The following TMEM128 variants were observed in gnomAD, a reference collection of about 807,000 sequenced individuals.
TMEM128 encodes the protein transmembrane protein 128.
Under a neutral mutation model 19.7 loss-of-function variants are expected in TMEM128, and 16 were observed. The ratio of observed to expected loss-of-function variants is 0.81; its 90% CI spans 0.55 to 1.23. The LOEUF (loss-of-function observed/expected upper bound fraction) is 1.23, where lower values mean the gene tolerates loss of function less well. Among genes scored for constraint, TMEM128 ranks in the 50% most tolerant of loss-of-function variants. TMEM128 has a pLI of 0.00. For missense variants in TMEM128, 237 were observed against 200.8 expected, an observed-to-expected ratio of 1.18 and a Z score of -1.09; for synonymous variants, 98 against 75.8, an observed-to-expected ratio of 1.29 and a Z score of -1.52.
intron 3 of TMEM128, among the ~76,000 whole-genome samples, chr4:4,239,894 G>C (rs889761324): frequency 1.3e-5 from 2 of 152,224 alleles, no homozygotes; most frequent in African/African-American, 4.8e-5. Context: ...TAGTTACCAT[G>C]AAGGTCAGGG....
intron 2 of TMEM128, among the ~76,000 whole-genome samples, chr4:4,243,744 T>C (rs67164557): frequency 0.31 from 47,045 of 152,082 alleles, 7,898 homozygotes; most frequent in East Asian, 0.46. Context: ...CCCACAGCCC[T>C]GGTCCCAGTG....
chr4:4,247,903 A>C, intron 1 of TMEM128: 1 of 1,430,660 alleles, frequency 7.0e-7, no homozygotes, highest in Non-Finnish European at 9.1e-7. Flanking sequence ...TAGGTGTCAA[A>C]TCAGCTCTCC....
At chr4:4,248,075 G>A (rs772980774) in intron 1 of TMEM128, 31 bp downstream of exon 1, 3 of 1,534,798 alleles carry the variant, frequency 2.0e-6, no homozygotes, top group African/African-American at 1.4e-5. Flanking sequence ...TCGCCTCTGA[G>A]AACCTCGGGG....
Position 4,240,494 on chromosome 4 carries a change from A to G in TMEM128, c.240-15T>C. On this transcript the variant is annotated splice_polypyrimidine_tract_variant and intron_variant, in intron 2 of 4. Transcript: ENST00000382753. ...AGAGAAACCAGCTGTGGAGATAAAA[A>G]CAGTAAGAGGTCTGACAGCACTTAA... The G allele has an allele frequency of 6.2e-7, 1 of 1,609,568 alleles. No homozygotes were observed. The highest frequency in any genetic ancestry group is 1.1e-5 in the South Asian group (1 of 90,598).
rs896280858 is a variant in TMEM128, at chr4:4,246,286, G to T, written c.155C>A (p.Ser52Tyr). ...EKPLPRLNIH[S>Y]GFWILASIVV... ...AATGGATGCCAAAATCCAGAATCCAGAATGGATATTAAGTCTTGGAAGAGG... is the reference window on the plus strand; with the variant it reads ...AATGGATGCCAAAATCCAGAATCCATAATGGATATTAAGTCTTGGAAGAGG... The change falls in exon 2 of 5, where the codon TCT (serine) becomes TAT (tyrosine). Residue 52 changes from serine (S) to tyrosine (Y), a missense_variant. By Grantham distance (144) the Ser-to-Tyr change is moderately radical (BLOSUM62 -2). Transcript: ENST00000382753. 6.2e-7 allele frequency: 1 copy of T among 1,612,886 alleles called. No individual in the cohort carries two copies. The highest frequency in any genetic ancestry group is 1.3e-5 in the African/African-American group (1 of 74,890).
chr4:4,241,708 T>C (rs1717963205), intron 2 of TMEM128, among the ~76,000 whole-genome samples: 1 of 152,174 alleles, frequency 6.6e-6, no homozygotes, highest in Non-Finnish European at 1.5e-5. Context: ...AATCTGTCTG[T>C]ATGGGTTTGA....
chr4:4,246,041 C>T (rs1718155818), intron 2 of TMEM128, among the ~76,000 whole-genome samples, 161 bp downstream of exon 2: 1 of 151,976 alleles, frequency 6.6e-6, no homozygotes, highest in Non-Finnish European at 1.5e-5. Flanking sequence ...AAATATGTAC[C>T]CTTTGACCCC....
At position 4,236,231 on chromosome 4, in the gene TMEM128, C is replaced by T. The variant is rs1717712457; in HGVS notation, c.*35G>A. On this transcript the variant is annotated 3_prime_UTR_variant, in exon 5 of 5. Coordinates refer to ENST00000382753, the MANE Select transcript of TMEM128 (RefSeq NM_001297551.2). ...CTTGATCCCAGGAGTTCAAAGACAG[C>T]CTGGGCAACATAGAAGACCCTGTCT... 1 of 148,678 alleles carries T rather than the reference C, an allele frequency of 6.7e-6. No homozygotes were observed. Among genetic ancestry groups the T allele is most frequent in the African/African-American group, 2.5e-5 (1 of 39,934 alleles). 9.2% of individuals were successfully genotyped at this position (148,678 alleles called of 1,614,324 possible). A position where few individuals can be genotyped will look rare whatever the true frequency, so the allele number is the denominator to read the frequency against.
chr4:4,240,944 G>C (rs1457645519), intron 2 of TMEM128, among the ~76,000 whole-genome samples: 1 of 152,212 alleles, frequency 6.6e-6, no homozygotes, highest in Non-Finnish European at 1.5e-5. Flanking sequence ...AGGCGTGGTG[G>C]CGCAAGCCTG....
chr4:4,240,274 A>C (rs1181251178), intron 3 of TMEM128, 47 bp downstream of exon 3: 1 of 1,597,882 alleles, frequency 6.3e-7, no homozygotes, highest in South Asian at 1.1e-5. Flanking sequence ...CTGATCAAAA[A>C]AAAAATTTGT....
chr4:4,245,825 TAC>T (rs946599212), intron 2 of TMEM128, among the ~76,000 whole-genome samples: 16 of 151,810 alleles, frequency 1.1e-4, no homozygotes, highest in East Asian at 3.9e-4. Flanking sequence ...TGTATACATA[TAC>T]ACACACACAC....
At chr4:4,238,326 G>A (rs532632094) in intron 3 of TMEM128, among the ~76,000 whole-genome samples, 3 of 152,262 alleles carry the variant, frequency 2.0e-5, no homozygotes, top group African/African-American at 4.8e-5. Flanking sequence ...AAAACAGAAT[G>A]AAAACAGTTA....
chr4:4,247,776 C>A (rs753364071), intron 1 of TMEM128: 1 of 1,491,508 alleles, frequency 6.7e-7, no homozygotes, highest in Non-Finnish European at 9.0e-7. Flanking sequence ...CTATTACAAG[C>A]AATCCTGAAG....
intron 2 of TMEM128, among the ~76,000 whole-genome samples, chr4:4,243,318 G>A (rs767696848): frequency 7.2e-5 from 11 of 152,012 alleles, no homozygotes; most frequent in Non-Finnish European, 1.3e-4. Flanking sequence ...TCCTGACCTC[G>A]TGATCCGCCC....
At chr4:4,236,961 T>C (rs920875138) in intron 4 of TMEM128, 15 of 342,268 alleles carry the variant, frequency 4.4e-5, no homozygotes, top group African/African-American at 2.9e-4. Context: ...CTTCTCACCA[T>C]GCCCCTAAGC....
rs1015934563 is a variant in TMEM128, at chr4:4,247,480, G to A, written c.97+626C>T. The A allele has an allele frequency of 5.3e-6, 7 of 1,319,950 alleles. No homozygotes were observed. The African/African-American group carries it at 1.1e-4, about 20-fold the overall frequency. 81.8% of individuals were successfully genotyped at this position (1,319,950 alleles called of 1,614,324 possible). The stretch of plus-strand genomic sequence containing the variant: ...ATATGAGATAAAAAATATCCAAAAT[G>A]AAGTATCTGTCTCCCATCCTTAACC... On this transcript the variant is annotated intron_variant, in intron 1 of 4. Transcript: ENST00000382753.
At chr4:4,238,201 G>A (rs1425864464) in intron 3 of TMEM128, among the ~76,000 whole-genome samples, 1 of 152,198 alleles carries the variant, frequency 6.6e-6, no homozygotes, top group Non-Finnish European at 1.5e-5. Flanking sequence ...TGGCTTAATA[G>A]AAACTGAAGT....
At chr4:4,240,055 T>C (rs1268947228) in intron 3 of TMEM128, among the ~76,000 whole-genome samples, 2 of 152,200 alleles carry the variant, frequency 1.3e-5, no homozygotes, top group African/African-American at 2.4e-5. Flanking sequence ...CTTTTCTATA[T>C]GTACTGTATG....
Position 4,248,130 on chromosome 4 carries a change from C to A in TMEM128, c.73G>T (p.Asp25Tyr). 1 of 1,534,872 alleles carries A rather than the reference C, an allele frequency of 6.5e-7. No homozygotes were observed. The highest frequency in any genetic ancestry group is 8.7e-7 in the Non-Finnish European group (1 of 1,142,954). ...LLLPDAEAQLDREGDAGPETS... is the reference protein window; with the variant it reads ...LLLPDAEAQLYREGDAGPETS... ...CCCGGCCCGGCGTCACCCTCGCGGT[C>A]CAGCTGGGCCTCGGCGTCCGGCAGG... is the stretch of plus-strand genomic sequence containing the variant. The change falls in exon 1 of 5, where the codon GAC becomes TAC. Residue 25 changes from aspartate to tyrosine, a missense_variant. Transcript: ENST00000382753.
Sources: gnomAD v4.1 joint callset for allele counts (sites outside exome capture counted in the v4.1 genomes callset) on GRCh38, gnomAD v4.1.1 for gene constraint, MANE v1.5 for transcripts, NCBI Gene and HGNC (gene_info 2026-07-23, HGNC 2026-07-21) for gene names.